Variants in XXYLT1 observed in about 807,000 individuals in gnomAD.
XXYLT1 encodes the protein UDP-xylose:alpha-xyloside alpha-1,3-xylosyltransferase.
Under a neutral mutation model 28.9 loss-of-function variants are expected in XXYLT1, and 20 were observed. The ratio of observed to expected loss-of-function variants is 0.69; its 90% CI spans 0.49 to 1.00. The LOEUF (loss-of-function observed/expected upper bound fraction) is 1.00, where lower values mean the gene tolerates loss of function less well. XXYLT1 is among the 50% of genes least tolerant of loss of function. The pLI is 0.00. For missense variants in XXYLT1, 542 were observed against 560.1 expected, an observed-to-expected ratio of 0.97 and a Z score of 0.33; for synonymous variants, 257 against 253.8, an observed-to-expected ratio of 1.01 and a Z score of -0.12.
chr3:195,096,780 T>C (rs975470969), intron 3 of XXYLT1, among the ~76,000 whole-genome samples: 2 of 152,214 alleles, frequency 1.3e-5, no homozygotes, highest in African/African-American at 2.4e-5. Flanking sequence ...TTGGTTTCCA[T>C]AGAGGATAAT....
At chr3:195,188,289 C>T (rs1722282881) in intron 2 of XXYLT1, among the ~76,000 whole-genome samples, 1 of 152,186 alleles carries the variant, frequency 6.6e-6, no homozygotes, top group South Asian at 2.1e-4. Context: ...AGGGCTCAAA[C>T]ACGGGACCAA....
intron 2 of XXYLT1, among the ~76,000 whole-genome samples, chr3:195,178,270 T>C (rs1411557834): frequency 6.6e-6 from 1 of 152,124 alleles, no homozygotes; most frequent in East Asian, 1.9e-4. Context: ...TGTAAGCCCC[T>C]GCCCACACGG....
chr3:195,179,506 T>TAGGAAAC (rs1721843246), intron 2 of XXYLT1, among the ~76,000 whole-genome samples: 3 of 152,012 alleles, frequency 2.0e-5, no homozygotes, highest in Admixed American at 2.0e-4. Context: ...AAGAACTGGT[T>TAGGAAAC]TTCAGTCACG....
Position 195,129,808 on chromosome 3 carries a change from T to C in XXYLT1, c.785+26641A>G, listed in dbSNP as rs1364002622. On this transcript the variant is annotated intron_variant, in intron 3 of 3. Coordinates refer to ENST00000310380, the MANE Select transcript of XXYLT1 (RefSeq NM_152531.5). The surrounding 1 kb of genome is among the most constrained non-coding windows in gnomAD (Gnocchi z 4.4). The stretch of plus-strand genomic sequence containing the variant: ...TGCATGTTAGTGTGTGGGCGCATGT[T>C]TTCAGTTCTCTCGGGTCTCTGTACA... 2.6e-5 allele frequency among the ~76,000 whole-genome samples: 4 copies of C among 152,124 alleles called. No homozygotes were observed. The highest frequency in any genetic ancestry group is 4.8e-5 in the African/African-American group (2 of 41,434).
rs1022231833 is a variant in XXYLT1 at position 195,255,492 on chromosome 3, G to C, written c.504+15063C>G. ...TGCAAAGCTTCCTTCTGGAGCAGCC[G>C]ATCAGTGGACGTGGAGCAAAGCCTT... On this transcript the variant is annotated intron_variant, in intron 1 of 3. Coordinates refer to ENST00000310380, the MANE Select transcript of XXYLT1 (RefSeq NM_152531.5). The surrounding 1 kb of genome is among the most constrained non-coding windows in gnomAD (Gnocchi z 4.5). 1.3e-5 allele frequency among the ~76,000 whole-genome samples: 2 copies of C among 149,686 alleles called. No individual in the cohort carries two copies. Among genetic ancestry groups the C allele is most frequent in the Non-Finnish European group, 3.0e-5 (2 of 66,510 alleles).
At chr3:195,207,940 T>G (rs1014482529) in intron 2 of XXYLT1, among the ~76,000 whole-genome samples, 4 of 152,072 alleles carry the variant, frequency 2.6e-5, no homozygotes, top group African/African-American at 9.7e-5. Flanking sequence ...GCAGCTGAAT[T>G]CCTCCAGGCA....
At chr3:195,198,998 A>G (rs1722740913) in intron 2 of XXYLT1, among the ~76,000 whole-genome samples, 1 of 152,262 alleles carries the variant, frequency 6.6e-6, no homozygotes, top group East Asian at 1.9e-4. Context: ...ACAAACCTCT[A>G]TAATAATCAG....
In XXYLT1 at chr3:195,172,428, T is replaced by A. The variant is rs192271927; in HGVS notation, c.653-15847A>T. On this transcript the variant is annotated intron_variant, in intron 2 of 3. Transcript: ENST00000310380. The stretch of plus-strand genomic sequence containing the variant: ...AGGGGAAGTACCAAGCCGGAACCTC[T>A]GAGTGAGTGTCCCATCAACAGTACC... Among the ~76,000 whole-genome samples the A allele has an allele frequency of 6.5e-4, 99 of 152,330 alleles. 1 individual carries two copies. The East Asian group carries it at 0.016, about 25-fold the overall frequency.
At chr3:195,214,793 G>C (rs930189252) in intron 2 of XXYLT1, 2 of 152,210 alleles carry the variant, frequency 1.3e-5, no homozygotes, top group Non-Finnish European at 2.9e-5. Context: ...ACTGGTGCTC[G>C]CTTCGGCAGC....
At chr3:195,104,959 C>A (rs1014588215) in intron 3 of XXYLT1, among the ~76,000 whole-genome samples, 49 of 152,318 alleles carry the variant, frequency 3.2e-4, no homozygotes, top group African/African-American at 1.2e-3. Flanking sequence ...GGTCAAAACG[C>A]AGCTTTGGAG....
intron 3 of XXYLT1, among the ~76,000 whole-genome samples, chr3:195,086,433 T>C (rs1299351679): frequency 1.3e-5 from 2 of 152,314 alleles, no homozygotes; most frequent in East Asian, 1.9e-4. Flanking sequence ...CCTGTCTCCA[T>C]GCATGTGAAT....
intron 2 of XXYLT1, among the ~76,000 whole-genome samples, chr3:195,219,150 C>T (rs1203499689): frequency 4.2e-5 from 6 of 143,428 alleles, no homozygotes; most frequent in African/African-American, 1.3e-4. Context: ...GAATATCACA[C>T]TCTGGGGACT....
rs78917735 is a variant in XXYLT1 at position 195,077,234 on chromosome 3, T to A, written c.786-7123A>T. 0.018 allele frequency among the ~76,000 whole-genome samples: 2,742 copies of A among 152,074 alleles called. 77 individuals are homozygous for A. Among genetic ancestry groups the A allele is most frequent in the African/African-American group, 0.058 (2,408 of 41,498 alleles). On this transcript the variant is annotated intron_variant, in intron 3 of 3. Coordinates refer to ENST00000310380, the MANE Select transcript of XXYLT1 (RefSeq NM_152531.5). This position sits in a 1 kb window ranked among gnomAD's most constrained non-coding sequence, Gnocchi z 4.8. Reference sequence around the variant, plus strand: ...GGAAAAGCAGAGGGATGGGAGATGATGTAGGGGGCGGCACGGGGACCCCAG... The same window carrying A: ...GGAAAAGCAGAGGGATGGGAGATGAAGTAGGGGGCGGCACGGGGACCCCAG...
chr3:195,143,801 G>T (rs1874103), intron 3 of XXYLT1, among the ~76,000 whole-genome samples: 92,069 of 110,066 alleles, frequency 0.84, 37,606 homozygotes, highest in Middle Eastern at 0.88. Context: ...TATATATATA[G>T]ATAGATATAT....
intron 3 of XXYLT1, among the ~76,000 whole-genome samples, chr3:195,110,285 GT>G (rs1717506950): frequency 2.6e-4 from 10 of 37,824 alleles, no homozygotes; most frequent in South Asian, 2.7e-3. Context: ...TGTGTGGGGT[GT>G]ATGTGTGCGT....
chr3:195,105,785 C>T (rs981810621), intron 3 of XXYLT1, among the ~76,000 whole-genome samples: 13 of 152,238 alleles, frequency 8.5e-5, no homozygotes, highest in Admixed American at 5.9e-4. Flanking sequence ...TTCCCACCGT[C>T]GGTGAAACTG....
At chr3:195,160,923 G>A (rs116168845) in intron 2 of XXYLT1, among the ~76,000 whole-genome samples, 3 of 152,338 alleles carry the variant, frequency 2.0e-5, no homozygotes, top group South Asian at 2.1e-4. Context: ...CTGTCAAAGC[G>A]CTCTTCTCCA....
intron 2 of XXYLT1, chr3:195,207,564 G>C (rs1307563060): frequency 2.3e-6 from 1 of 437,976 alleles, no homozygotes; most frequent in African/African-American, 2.0e-5. Flanking sequence ...AAATTCCTTA[G>C]CCAAAGGTGC....
chr3:195,083,244 G>A (rs73074261), intron 3 of XXYLT1, among the ~76,000 whole-genome samples: 25,568 of 151,984 alleles, frequency 0.17, 2,803 homozygotes, highest in East Asian at 0.32. Context: ...ACCCTTGCAC[G>A]TAAGCCTTGA....
Sources: allele counts gnomAD v4.1 joint callset (sites outside exome capture counted in the v4.1 genomes callset), GRCh38; gene constraint gnomAD v4.1.1; non-coding constraint Gnocchi (gnomAD v3.1); transcripts MANE v1.5; gene names NCBI Gene and HGNC (gene_info 2026-07-23, HGNC 2026-07-21).